The following ASCC1 variants were observed in gnomAD, a reference collection of about 807,000 sequenced individuals.
ASCC1 encodes activating signal cointegrator 1 complex subunit 1, also known as ASC-1 complex subunit P50.
A neutral mutation model predicts 46.6 loss-of-function variants in ASCC1; 35 were observed. The observed-to-expected ratio is 0.75, with a 90% confidence interval of 0.57 to 0.99. ASCC1 has a LOEUF of 0.99. Among genes scored for constraint, ASCC1 ranks in the 50% least tolerant of loss-of-function variants. The pLI, the probability that ASCC1 is intolerant of heterozygous loss-of-function variation, is 0.00. For missense variants in ASCC1, 376 were observed against 428.7 expected (o/e 0.88, Z 1.09); for synonymous variants, 143 against 146.6 (o/e 0.98, Z 0.18).
At chr10:72,184,175 C>G (rs1314956804) in intron 5 of ASCC1, among the ~76,000 whole-genome samples, 1 of 147,696 alleles carries the variant, frequency 6.8e-6, no homozygotes, top group Admixed American at 6.8e-5. Context: ...AACCCTCAAT[C>G]CAAAAAAAAA....
chr10:72,174,231 C>G (rs1851591660), intron 5 of ASCC1, among the ~76,000 whole-genome samples: 2 of 152,214 alleles, frequency 1.3e-5, no homozygotes, highest in South Asian at 2.1e-4. Context: ...TGATTTACCA[C>G]TAGCAGTCAC....
At chr10:72,152,168 T>C (rs1450000601) in intron 7 of ASCC1, among the ~76,000 whole-genome samples, 2 of 142,564 alleles carry the variant, frequency 1.4e-5, no homozygotes, top group Non-Finnish European at 2.9e-5. Context: ...AATTTTGTTT[T>C]TGGGTTTTTT....
At chr10:72,174,036 G>T (rs891476636) in intron 5 of ASCC1, among the ~76,000 whole-genome samples, 3 of 152,204 alleles carry the variant, frequency 2.0e-5, no homozygotes, top group Non-Finnish European at 4.4e-5. Flanking sequence ...TTATGACTAA[G>T]TCACAACATC....
At chr10:72,134,594 G>T (rs1333407104) in intron 7 of ASCC1, 2 of 152,196 alleles carry the variant, frequency 1.3e-5, no homozygotes, top group East Asian at 3.8e-4. Context: ...ATTTTCTCCA[G>T]TCCTTGAATG....
At chr10:72,126,589 C>T (rs1293184874) in intron 9 of ASCC1, among the ~76,000 whole-genome samples, 2 of 152,186 alleles carry the variant, frequency 1.3e-5, no homozygotes, top group African/African-American at 2.4e-5. Context: ...TACCAACACA[C>T]AAGGCTTCAG....
At chr10:72,154,187 T>C (rs192999291) in intron 6 of ASCC1, among the ~76,000 whole-genome samples, 3 of 152,320 alleles carry the variant, frequency 2.0e-5, no homozygotes, top group Non-Finnish European at 4.4e-5. Flanking sequence ...AGTTCTCCTT[T>C]ACAGAAGAAC....
chr10:72,146,698 C>T (rs983457769), intron 7 of ASCC1, among the ~76,000 whole-genome samples: 3 of 152,038 alleles, frequency 2.0e-5, no homozygotes, highest in African/African-American at 7.3e-5. Flanking sequence ...CAAACCAAAC[C>T]GAGGATGCAT....
At chr10:72,130,505 A>T (rs1411323625) in intron 8 of ASCC1, among the ~76,000 whole-genome samples, 2 of 152,218 alleles carry the variant, frequency 1.3e-5, no homozygotes, top group Admixed American at 6.5e-5. Flanking sequence ...ATAAACCTGG[A>T]TCCACACAAC....
intron 8 of ASCC1, among the ~76,000 whole-genome samples, chr10:72,128,389 T>C (rs1434497192): frequency 6.6e-6 from 1 of 152,240 alleles, no homozygotes; most frequent in African/African-American, 2.4e-5. Context: ...CATCTATTCA[T>C]TCGACATTCT....
intron 9 of ASCC1, among the ~76,000 whole-genome samples, chr10:72,107,997 A>G (rs1589176473): frequency 6.6e-6 from 1 of 150,998 alleles, no homozygotes; most frequent in East Asian, 1.9e-4. Flanking sequence ...TCCCTCTTAC[A>G]TTTCTCATAC....
At chr10:72,165,731 G>A (rs1739009249) in intron 5 of ASCC1, among the ~76,000 whole-genome samples, 1 of 152,168 alleles carries the variant, frequency 6.6e-6, no homozygotes, top group South Asian at 2.1e-4. Flanking sequence ...GAAAGTGATT[G>A]TAAGGAACAA....
At chr10:72,142,110 AAT>A (rs1050411548) in intron 7 of ASCC1, among the ~76,000 whole-genome samples, 1 of 152,208 alleles carries the variant, frequency 6.6e-6, no homozygotes, top group African/African-American at 2.4e-5. Flanking sequence ...GTTGATTTAA[AAT>A]AGACATATTA....
chr10:72,175,887 T>C (rs1246660384), intron 5 of ASCC1, among the ~76,000 whole-genome samples: 1 of 152,234 alleles, frequency 6.6e-6, no homozygotes, highest in Non-Finnish European at 1.5e-5. Flanking sequence ...ACGTTTCTGA[T>C]GGGTTAACAG....
intron 5 of ASCC1, among the ~76,000 whole-genome samples, chr10:72,170,239 G>A (rs59242120): frequency 0.094 from 14,245 of 151,992 alleles, 2,010 homozygotes; most frequent in African/African-American, 0.31. Flanking sequence ...ACTGCTTATC[G>A]GTTGAAAGGT....
At chr10:72,161,895 TA>T (rs1173208281) in intron 5 of ASCC1, among the ~76,000 whole-genome samples, 2 of 152,012 alleles carry the variant, frequency 1.3e-5, no homozygotes, top group African/African-American at 4.8e-5. Context: ...TCCTACCATA[TA>T]AAAAAATTAA....
At chr10:72,195,139 G>GTTTTTTTTTTTTTTTT (rs142672810) in intron 5 of ASCC1, among the ~76,000 whole-genome samples, 8 of 61,018 alleles carry the variant, frequency 1.3e-4, no homozygotes, top group Non-Finnish European at 1.7e-4. Context: ...TTTTTGCTGT[G>GTTTTTTTTTTTTTTTT]TTTTTTTTTT....
At chr10:72,160,535 T>G (rs543780809) in intron 6 of ASCC1, among the ~76,000 whole-genome samples, 2 of 151,964 alleles carry the variant, frequency 1.3e-5, no homozygotes, top group East Asian at 3.9e-4. Context: ...TTTCCCTGAG[T>G]CAAAACAGAT....
intron 5 of ASCC1, among the ~76,000 whole-genome samples, chr10:72,179,817 A>G (rs530128503): frequency 6.6e-6 from 1 of 152,318 alleles, no homozygotes; most frequent in Admixed American, 6.5e-5. Flanking sequence ...ACAGTGGGAC[A>G]CTCAGGCTAA....
rs143612930 is a variant in ASCC1, at chr10:72,158,639, T to C, written c.626+2899A>G. On this transcript the variant is annotated intron_variant, in intron 6 of 9. Coordinates refer to ENST00000672957, the MANE Select transcript of ASCC1 (RefSeq NM_001198800.3). ...AAACTACCCCCAAATTTAAAATGAATACTCAACTACTCATTTCTTCAATAT... is the reference window on the plus strand; with the variant it reads ...AAACTACCCCCAAATTTAAAATGAACACTCAACTACTCATTTCTTCAATAT... 7.9e-5 allele frequency among the ~76,000 whole-genome samples: 12 copies of C among 152,308 alleles called. No homozygotes were observed. In the East Asian group the frequency reaches 2.3e-3, roughly 29 times the overall value.
Sources: gnomAD v4.1 joint callset for allele counts (sites outside exome capture counted in the v4.1 genomes callset) on GRCh38, gnomAD v4.1.1 for gene constraint, MANE v1.5 for transcripts, NCBI Gene and HGNC (gene_info 2026-07-23, HGNC 2026-07-21) for gene names.